The following DOCK10 variants were observed in gnomAD, a reference collection of about 807,000 sequenced individuals.
DOCK10 encodes dedicator of cytokinesis protein 10.
DOCK10 carries 145 observed loss-of-function variants against 280.1 expected under a neutral mutation model. That is an observed-to-expected ratio of 0.52 (90% CI 0.45 to 0.59). The LOEUF (loss-of-function observed/expected upper bound fraction) is 0.59. Ranked by LOEUF, DOCK10 falls within the 20% of genes least tolerant of loss-of-function variation. DOCK10 has a pLI of 0.00. For synonymous variants in DOCK10, 915 were observed against 942.2 expected, an observed-to-expected ratio of 0.97 and a Z score of 0.53; for missense variants, 2,368 against 2,651.7, an observed-to-expected ratio of 0.89 and a Z score of 2.35.
At chr2:224,823,380 T>C in intron 28 of DOCK10, 121 bp downstream of exon 28, 1 of 800,182 alleles carries the variant, frequency 1.2e-6, no homozygotes, top group Non-Finnish European at 1.8e-6. Context: ...AAAGTTTTCA[T>C]CTGACAGTGC....
chr2:224,775,621 AT>A lies in DOCK10; in HGVS notation c.5803-507del, dbSNP rs1295204115. On this transcript the variant is annotated intron_variant, in intron 51 of 55. Coordinates refer to ENST00000258390, the MANE Select transcript of DOCK10 (RefSeq NM_014689.3). ...TTCTCTAGTAGCTGAGATTACAGGCATGTGCCACCACACCTAGCTAATTTTT... is the reference window on the plus strand; with the variant it reads ...TTCTCTAGTAGCTGAGATTACAGGCAGTGCCACCACACCTAGCTAATTTTT... Among the ~76,000 whole-genome samples the A allele has an allele frequency of 1.3e-4, 20 of 152,174 alleles. No individual in the cohort carries two copies. The East Asian group carries it at 3.9e-3, about 29-fold the overall frequency.
intron 2 of DOCK10, among the ~76,000 whole-genome samples, chr2:224,927,543 T>C (rs894680609): frequency 1.1e-4 from 16 of 152,282 alleles, no homozygotes; most frequent in African/African-American, 3.9e-4. Flanking sequence ...AGAAAAACTT[T>C]TAATATATAC....
chr2:224,872,866 T>C (rs1433006181), intron 11 of DOCK10, among the ~76,000 whole-genome samples: 1 of 151,894 alleles, frequency 6.6e-6, no homozygotes, highest in Non-Finnish European at 1.5e-5. Context: ...AAAGAAGATA[T>C]GCCAAAATAT....
intron 1 of DOCK10, among the ~76,000 whole-genome samples, chr2:224,963,287 A>G (rs1001158912): frequency 1.3e-5 from 2 of 152,230 alleles, no homozygotes; most frequent in African/African-American, 4.8e-5. Flanking sequence ...GCCTTGCCTG[A>G]TGCCTCTACA....
At chr2:224,926,792 T>C (rs780412905) in intron 2 of DOCK10, among the ~76,000 whole-genome samples, 4 of 152,244 alleles carry the variant, frequency 2.6e-5, no homozygotes, top group Non-Finnish European at 5.9e-5. Flanking sequence ...ACTCAAGGGA[T>C]CAACATTATG....
intron 1 of DOCK10, among the ~76,000 whole-genome samples, chr2:224,986,627 C>CTG (rs1705981840): frequency 6.6e-6 from 1 of 152,042 alleles, no homozygotes; most frequent in Non-Finnish European, 1.5e-5. Context: ...CTCTCTCTCT[C>CTG]TCTGTCTTCA....
At chr2:224,843,178 C>T (rs574537488) in intron 22 of DOCK10, among the ~76,000 whole-genome samples, 23 of 152,294 alleles carry the variant, frequency 1.5e-4, no homozygotes, top group African/African-American at 5.5e-4. Flanking sequence ...GAGAGCTTCC[C>T]TTCTCCACTG....
At chr2:224,835,573 G>A (rs116828729) in intron 25 of DOCK10, among the ~76,000 whole-genome samples, 85 of 152,304 alleles carry the variant, frequency 5.6e-4, no homozygotes, top group African/African-American at 1.7e-3. Context: ...ATTCAAGCAC[G>A]CACTGTAACA....
intron 44 of DOCK10, 101 bp downstream of exon 44, chr2:224,796,215 C>G: frequency 3.8e-6 from 3 of 781,504 alleles, no homozygotes; most frequent in Non-Finnish European, 6.3e-6. Flanking sequence ...AGGCGTGAAC[C>G]ACTGTACCCA....
chr2:224,816,453 G>C (rs551882873), intron 30 of DOCK10, among the ~76,000 whole-genome samples, 164 bp downstream of exon 30: 1 of 152,134 alleles, frequency 6.6e-6, no homozygotes, highest in Admixed American at 6.5e-5. Context: ...AACTTCTTTT[G>C]CATTTTAATT....
At chr2:224,956,572 C>T (rs961530679) in intron 1 of DOCK10, among the ~76,000 whole-genome samples, 4 of 144,050 alleles carry the variant, frequency 2.8e-5, no homozygotes, top group African/African-American at 1.0e-4. Flanking sequence ...TGCAGTGAGC[C>T]GAGATTGCAC....
intron 1 of DOCK10, among the ~76,000 whole-genome samples, chr2:224,961,430 C>CTT (rs1315674402): frequency 8.0e-6 from 1 of 125,352 alleles, no homozygotes; most frequent in East Asian, 2.5e-4. Context: ...TTCTTTCTTT[C>CTT]TTTCTTTCTT....
At position 224,891,771 on chromosome 2, in the gene DOCK10, ACCAGAGACTG is replaced by A. The variant is rs533537426; in HGVS notation, c.416+4514_416+4523del. On this transcript the variant is annotated intron_variant, in intron 4 of 55. Transcript: ENST00000258390. The stretch of plus-strand genomic sequence containing the variant: ...ATCTTCACTTTTAAAAATTATGCAG[ACCAGAGACTG>A]TCAATTTAAGTCAGATCTGGGGCTA... 1.8e-3 allele frequency among the ~76,000 whole-genome samples: 279 copies of A among 152,326 alleles called. 1 individual carries two copies. Among genetic ancestry groups the A allele is most frequent in the Non-Finnish European group, 3.2e-3 (217 of 68,030 alleles).
At chr2:224,818,023 C>A (rs1694250124) in intron 29 of DOCK10, among the ~76,000 whole-genome samples, 1 of 152,168 alleles carries the variant, frequency 6.6e-6, no homozygotes. Context: ...AAGCATGTGA[C>A]CCAAAGCAGG....
intron 1 of DOCK10, among the ~76,000 whole-genome samples, chr2:225,018,365 C>T (rs1445516619): frequency 2.0e-5 from 3 of 151,344 alleles, no homozygotes; most frequent in East Asian, 3.9e-4. Context: ...ATATGCGTAA[C>T]GTGCATCGCA....
intron 1 of DOCK10, among the ~76,000 whole-genome samples, chr2:224,989,814 A>G (rs1454977803): frequency 6.6e-6 from 1 of 152,124 alleles, no homozygotes; most frequent in Non-Finnish European, 1.5e-5. Flanking sequence ...TGCCCCTCCT[A>G]CTGCTACCTC....
chr2:224,886,271 C>G, intron 5 of DOCK10, 86 bp from the exon 6 acceptor site: 2 of 1,550,260 alleles, frequency 1.3e-6, no homozygotes, highest in Non-Finnish European at 1.8e-6. Context: ...ACTCCTCTTC[C>G]TCTCTTTGAC....
intron 30 of DOCK10, among the ~76,000 whole-genome samples, chr2:224,815,527 G>T (rs1694072655): frequency 6.6e-6 from 1 of 151,678 alleles, no homozygotes; most frequent in Non-Finnish European, 1.5e-5. Flanking sequence ...TATCTAATAT[G>T]CCATTTCTAC....
chr2:224,813,810 A>G lies in DOCK10; in HGVS notation c.3409+510T>C, dbSNP rs1323971509. On this transcript the variant is annotated intron_variant, in intron 31 of 55. Transcript: ENST00000258390. The stretch of plus-strand genomic sequence containing the variant: ...CAGGCTAAATACATTTCTCACTGAC[A>G]TAGTAATATTGAGGATCCAGGAATA... Among the ~76,000 whole-genome samples the G allele has an allele frequency of 2.6e-5, 4 of 152,246 alleles. No individual in the cohort carries two copies. In the East Asian group the frequency reaches 7.7e-4, roughly 29 times the overall value.
Sources: gnomAD v4.1 joint callset for allele counts (sites outside exome capture counted in the v4.1 genomes callset) on GRCh38, gnomAD v4.1.1 for gene constraint, MANE v1.5 for transcripts, NCBI Gene and HGNC (gene_info 2026-07-23, HGNC 2026-07-21) for gene names.